CGNL1: variants seen among roughly 807,000 people sequenced by gnomAD.
The protein encoded by CGNL1 is cingulin like 1.
CGNL1 carries 132 observed loss-of-function variants against 141.2 expected under a neutral mutation model. The observed-to-expected ratio is 0.93, with a 90% CI of 0.81 to 1.08. The LOEUF is 1.08. Ranked by LOEUF, CGNL1 falls within the 50% of genes least tolerant of loss-of-function variation. CGNL1 has a pLI of 0.00. For missense variants in CGNL1, 1,870 were observed against 1,588.6 expected (o/e 1.18, Z -3.01); for synonymous variants, 690 against 622.1 (o/e 1.11, Z -1.63).
rs1257033725 is a variant in CGNL1 at position 57,438,590 on chromosome 15, T to A, written c.591T>A (p.Asn197Lys). 6.2e-7 allele frequency: 1 copy of A among 1,613,770 alleles called. No individual in the cohort carries two copies. The highest frequency in any genetic ancestry group is 1.1e-5 in the South Asian group (1 of 91,082). ...GGACTTGCTTTCCCAAACCTAGCAATTCCCAGCCTACCAGTCCCTCCTTGG... is the reference window on the plus strand; with the variant it reads ...GGACTTGCTTTCCCAAACCTAGCAAATCCCAGCCTACCAGTCCCTCCTTGG... ...KPWTCFPKPS[N>K]SQPTSPSLED... Residue 197 changes from asparagine to lysine, a missense_variant, in exon 2 of 19, where the codon AAT becomes AAA. Transcript: ENST00000281282.
chr15:57,380,494 G>A (rs1373683475), intron 1 of CGNL1, among the ~76,000 whole-genome samples: 1 of 152,146 alleles, frequency 6.6e-6, no homozygotes, highest in African/African-American at 2.4e-5. Flanking sequence ...AGTGGCCCGT[G>A]GGGTACTGTG....
rs558929197 is a variant in CGNL1, at chr15:57,412,749, A to G, written c.-15-25236A>G. On this transcript the variant is annotated intron_variant, in intron 1 of 18. Transcript: ENST00000281282. ...CTTTGGAGCCACACAGACCAAGTTT[A>G]ATCTTCTTTTCACATGACAACCATT... 3.2e-4 allele frequency among the ~76,000 whole-genome samples: 48 copies of G among 152,308 alleles called. No individual in the cohort carries two copies. In the Middle Eastern group the frequency reaches 0.01, roughly 32 times the overall value.
intron 14 of CGNL1, among the ~76,000 whole-genome samples, chr15:57,535,775 G>A (rs752636852): frequency 3.9e-5 from 6 of 152,196 alleles, no homozygotes; most frequent in South Asian, 2.1e-4. Flanking sequence ...AGACTCATGC[G>A]CCAGGGGTGG....
At chr15:57,496,701 G>A (rs1237946880) in intron 8 of CGNL1, among the ~76,000 whole-genome samples, 11 of 152,186 alleles carry the variant, frequency 7.2e-5, no homozygotes, top group African/African-American at 2.7e-4. Context: ...GAAAGCATGA[G>A]CCCTGGAGTC....
chr15:57,474,943 A>G (rs184850274), intron 8 of CGNL1, among the ~76,000 whole-genome samples: 3 of 152,302 alleles, frequency 2.0e-5, no homozygotes, highest in African/African-American at 7.2e-5. Context: ...TTAGTGAAGT[A>G]TTTTTAATTT....
At chr15:57,488,577 A>G (rs1401306018) in intron 8 of CGNL1, among the ~76,000 whole-genome samples, 1 of 152,172 alleles carries the variant, frequency 6.6e-6, no homozygotes, top group African/African-American at 2.4e-5. Flanking sequence ...TAGCCATGTC[A>G]TCCTTGATCA....
intron 7 of CGNL1, among the ~76,000 whole-genome samples, chr15:57,461,371 T>C (rs924987824): frequency 2.0e-5 from 3 of 151,748 alleles, no homozygotes; most frequent in African/African-American, 4.8e-5. Context: ...TGCACAGAAG[T>C]GAAATGAGAT....
intron 1 of CGNL1, among the ~76,000 whole-genome samples, chr15:57,386,046 C>T (rs1398218458): frequency 2.0e-5 from 3 of 152,258 alleles, no homozygotes; most frequent in African/African-American, 4.8e-5. Flanking sequence ...TGGAATTTAA[C>T]GTTTTATTGA....
At chr15:57,418,490 G>T (rs746681778) in intron 1 of CGNL1, among the ~76,000 whole-genome samples, 1 of 152,192 alleles carries the variant, frequency 6.6e-6, no homozygotes, top group African/African-American at 2.4e-5. Flanking sequence ...GGGAAGGTTG[G>T]TCTACCATGG....
intron 1 of CGNL1, among the ~76,000 whole-genome samples, chr15:57,383,292 C>CTTTTTT (rs59213732): frequency 4.1e-4 from 45 of 109,592 alleles, no homozygotes; most frequent in African/African-American, 1.1e-3. Flanking sequence ...TTCTTTCTTC[C>CTTTTTT]TTTTTTTTTT....
chr15:57,417,087 G>A (rs1332550242), intron 1 of CGNL1, among the ~76,000 whole-genome samples: 1 of 152,116 alleles, frequency 6.6e-6, no homozygotes, highest in Non-Finnish European at 1.5e-5. Flanking sequence ...TTACCTGGCG[G>A]GGTTGCTGAA....
intron 8 of CGNL1, among the ~76,000 whole-genome samples, chr15:57,491,507 A>C (rs534111917): frequency 1.3e-5 from 2 of 152,288 alleles, no homozygotes; most frequent in East Asian, 3.9e-4. Flanking sequence ...CTTCTGGCAC[A>C]CAAGACGCAC....
intron 8 of CGNL1, among the ~76,000 whole-genome samples, chr15:57,483,789 T>C (rs2063755712): frequency 6.6e-6 from 1 of 152,194 alleles, no homozygotes; most frequent in African/African-American, 2.4e-5. Context: ...TGTTCCTCTC[T>C]ATTCATAATT....
chr15:57,459,704 T>C (rs2063422386), intron 7 of CGNL1, among the ~76,000 whole-genome samples: 1 of 152,198 alleles, frequency 6.6e-6, no homozygotes, highest in Non-Finnish European at 1.5e-5. Context: ...ATTGAAGATG[T>C]TGCAGAACTA....
At position 57,461,754 on chromosome 15, in the gene CGNL1, G is replaced by A; in HGVS notation, c.2265G>A (p.Lys755=). 1 of 1,614,164 alleles carries A rather than the reference G, an allele frequency of 6.2e-7. No individual in the cohort carries two copies. The highest frequency in any genetic ancestry group is 8.5e-7 in the Non-Finnish European group (1 of 1,180,024). ...AGGAGCAAGAAGACCTCTTGAGAAA[G>A]CGAGAGCGTGAACTCACCGCCCTGA... ...AKEEQEDLLR[K]RERELTALKG... Residue 755 remains lysine, a synonymous_variant, in exon 8 of 19, where the codon AAG becomes AAA. Transcript: ENST00000281282.
intron 12 of CGNL1, among the ~76,000 whole-genome samples, chr15:57,525,235 G>T (rs1211655999): frequency 6.6e-6 from 1 of 152,216 alleles, no homozygotes; most frequent in African/African-American, 2.4e-5. Flanking sequence ...AGGAATTTAT[G>T]AGTATTGAAA....
intron 9 of CGNL1, among the ~76,000 whole-genome samples, chr15:57,517,489 GAC>G (rs554683664): frequency 5.1e-4 from 78 of 152,348 alleles, no homozygotes; most frequent in African/African-American, 1.9e-3. Context: ...TGAAAGAGGA[GAC>G]ACACGTGGTC....
chr15:57,445,312 C>A, intron 4 of CGNL1, among the ~76,000 whole-genome samples: 1 of 152,078 alleles, frequency 6.6e-6, no homozygotes, highest in Non-Finnish European at 1.5e-5. Context: ...AGAAAATGAA[C>A]CAAGACTTTT....
intron 1 of CGNL1, among the ~76,000 whole-genome samples, chr15:57,385,825 G>A (rs1364919664): frequency 6.6e-6 from 1 of 152,188 alleles, no homozygotes; most frequent in Non-Finnish European, 1.5e-5. Context: ...GCATCTAATG[G>A]GCCAAGGCCA....
Sources: gnomAD v4.1 joint callset for allele counts (sites outside exome capture counted in the v4.1 genomes callset) on GRCh38, gnomAD v4.1.1 for gene constraint, MANE v1.5 for transcripts, NCBI Gene and HGNC (gene_info 2026-07-23, HGNC 2026-07-21) for gene names.